Variants in PDSS2 observed in about 807,000 individuals in gnomAD.
PDSS2 encodes all trans-polyprenyl-diphosphate synthase PDSS2.
PDSS2 carries 31 observed loss-of-function variants against 44.5 expected under a neutral mutation model. That is an observed-to-expected ratio of 0.70 (90% CI 0.52 to 0.94). The LOEUF is 0.94. Among genes scored for constraint, PDSS2 ranks in the 40% least tolerant of loss-of-function variants. PDSS2 has a pLI of 0.00. For synonymous variants in PDSS2, 157 were observed against 180.3 expected (o/e 0.87, Z 1.03); for missense variants, 452 against 482.2 (o/e 0.94, Z 0.59).
intron 1 of PDSS2, among the ~76,000 whole-genome samples, chr6:107,375,849 T>C (rs1259440522): frequency 6.6e-6 from 1 of 152,228 alleles, no homozygotes; most frequent in African/African-American, 2.4e-5. Context: ...AGTACAGTTA[T>C]ACTAAGAACA....
chr6:107,183,963 C>G (rs1053309998), intron 7 of PDSS2, among the ~76,000 whole-genome samples: 5 of 151,914 alleles, frequency 3.3e-5, no homozygotes, highest in Non-Finnish European at 2.9e-5. Context: ...TCCACCACTG[C>G]ACTCCAGCCT....
chr6:107,157,066 C>G (rs1267208707), intron 7 of PDSS2, among the ~76,000 whole-genome samples: 2 of 152,194 alleles, frequency 1.3e-5, no homozygotes, highest in African/African-American at 4.8e-5. Flanking sequence ...CAAAGACAAT[C>G]TTGCTTAAAC....
intron 1 of PDSS2, among the ~76,000 whole-genome samples, chr6:107,419,681 T>G (rs1296998601): frequency 2.0e-5 from 3 of 152,212 alleles, no homozygotes; most frequent in African/African-American, 7.2e-5. Context: ...GGTATCAAAC[T>G]TGTAAACACA....
intron 1 of PDSS2, among the ~76,000 whole-genome samples, chr6:107,422,744 C>T (rs1215983774): frequency 6.6e-6 from 1 of 152,014 alleles, no homozygotes; most frequent in African/African-American, 2.4e-5. Context: ...GCAGGCTATA[C>T]ACCAAAATAT....
At chr6:107,343,075 C>T (rs1223617355) in intron 1 of PDSS2, among the ~76,000 whole-genome samples, 2 of 152,128 alleles carry the variant, frequency 1.3e-5, no homozygotes, top group Non-Finnish European at 2.9e-5. Flanking sequence ...CTTGGCCTTC[C>T]AAAGTGCTGG....
chr6:107,240,151 T>C (rs1774369607), intron 4 of PDSS2, among the ~76,000 whole-genome samples: 1 of 151,324 alleles, frequency 6.6e-6, no homozygotes, highest in South Asian at 2.1e-4. Context: ...CTTATATCTG[T>C]AATCCCAACA....
intron 1 of PDSS2, among the ~76,000 whole-genome samples, chr6:107,384,209 C>T (rs183415558): frequency 6.6e-6 from 1 of 152,092 alleles, no homozygotes; most frequent in Admixed American, 6.5e-5. Context: ...GTAGGCAAAT[C>T]CATAAAGACA....
intron 3 of PDSS2, among the ~76,000 whole-genome samples, chr6:107,270,818 T>G (rs1171376426): frequency 6.6e-6 from 1 of 152,230 alleles, no homozygotes; most frequent in Non-Finnish European, 1.5e-5. Context: ...AACTTTACCT[T>G]AATCCCATGA....
At chr6:107,264,557 A>G (rs1398834201) in intron 3 of PDSS2, 1 of 1,165,432 alleles carries the variant, frequency 8.6e-7, no homozygotes, top group African/African-American at 1.5e-5. Flanking sequence ...TTCTTTAAAT[A>G]CTAGGCTTAT....
chr6:107,359,440 T>C (rs1031097385), intron 1 of PDSS2, among the ~76,000 whole-genome samples: 7 of 151,502 alleles, frequency 4.6e-5, no homozygotes, highest in Non-Finnish European at 8.8e-5. Context: ...CTTGCCAACA[T>C]GGTGAAACCC....
At chr6:107,405,215 C>T (rs899216873) in intron 1 of PDSS2, among the ~76,000 whole-genome samples, 2 of 151,930 alleles carry the variant, frequency 1.3e-5, no homozygotes, top group Non-Finnish European at 2.9e-5. Context: ...GAGAAATAGT[C>T]TTTCCTAGAC....
chr6:107,245,765 A>C, intron 3 of PDSS2, 146 bp from the exon 4 acceptor site: 2 of 522,684 alleles, frequency 3.8e-6, no homozygotes, highest in Non-Finnish European at 6.6e-6. Context: ...ATCTCAGCAA[A>C]TGGCATTGCC....
At chr6:107,445,320 C>T (rs1781637383) in intron 1 of PDSS2, among the ~76,000 whole-genome samples, 1 of 151,986 alleles carries the variant, frequency 6.6e-6, no homozygotes, top group Admixed American at 6.6e-5. Context: ...TTATTCCATC[C>T]TACCAATCTA....
At chr6:107,251,971 C>G (rs1320998338) in intron 3 of PDSS2, among the ~76,000 whole-genome samples, 1 of 152,200 alleles carries the variant, frequency 6.6e-6, no homozygotes, top group Non-Finnish European at 1.5e-5. Flanking sequence ...TTGTAAAGCA[C>G]TTTATCATTT....
rs529195206 is a variant in PDSS2 at position 107,236,761 on chromosome 6, AC to A, written c.702+8786del. On this transcript the variant is annotated intron_variant, in intron 4 of 7. Transcript: ENST00000369037. ...ATCTTTAATGTCCATCTCAAATGTA[AC>A]ATTCTTTTTGATGCCTTTTCTGATT... Among the ~76,000 whole-genome samples the A allele has an allele frequency of 8.8e-3, 1,340 of 152,178 alleles. 12 individuals carry two copies. The highest frequency in any genetic ancestry group is 0.016 in the Non-Finnish European group (1,058 of 68,006).
chr6:107,263,732 A>C (rs916515532), intron 3 of PDSS2, among the ~76,000 whole-genome samples: 1 of 152,236 alleles, frequency 6.6e-6, no homozygotes, highest in African/African-American at 2.4e-5. Flanking sequence ...AGATCAAGGA[A>C]GCATGACCAG....
At chr6:107,170,245 C>T (rs972888745) in intron 7 of PDSS2, among the ~76,000 whole-genome samples, 9 of 152,162 alleles carry the variant, frequency 5.9e-5, no homozygotes, top group African/African-American at 1.4e-4. Flanking sequence ...TAGCAATGAG[C>T]GAGGTTCCAA....
chr6:107,357,979 A>G (rs999279401), intron 1 of PDSS2, among the ~76,000 whole-genome samples: 1 of 152,170 alleles, frequency 6.6e-6, no homozygotes, highest in Non-Finnish European at 1.5e-5. Context: ...ATTACACTAT[A>G]AAATCAGTAT....
At chr6:107,223,465 G>A (rs1345262954) in intron 4 of PDSS2, among the ~76,000 whole-genome samples, 1 of 151,002 alleles carries the variant, frequency 6.6e-6, no homozygotes, top group Non-Finnish European at 1.5e-5. Context: ...TGGGAGGGAG[G>A]TGGAGGTTGC....
Sources: allele counts gnomAD v4.1 joint callset (sites outside exome capture counted in the v4.1 genomes callset), GRCh38; gene constraint gnomAD v4.1.1; transcripts MANE v1.5; gene names NCBI Gene and HGNC (gene_info 2026-07-23, HGNC 2026-07-21).